GPC4: variants seen among roughly 807,000 people sequenced by gnomAD.
GPC4 encodes glypican-4.
A neutral mutation model predicts 35.0 loss-of-function variants in GPC4; 10 were observed. The observed-to-expected ratio is 0.29, with a 90% CI of 0.18 to 0.48. GPC4 has a LOEUF of 0.48. Among genes scored for constraint, GPC4 ranks in the 20% least tolerant of loss-of-function variants. The probability of loss-of-function intolerance (pLI) is 0.99; values close to 1 mark genes in which losing one functional copy is unlikely to be tolerated. For synonymous variants in GPC4, 167 were observed against 170.2 expected (o/e 0.98, Z 0.15); for missense variants, 322 against 451.3 (o/e 0.71, Z 2.60).
chrX:133,415,337 C>A lies in GPC4; in HGVS notation c.-372G>T. Reference sequence around the variant, plus strand: ...AAGGAGGGAAGGGTGGCAGGCGCCGCGGGGACCGCAGAGGGTGTGGGCGGC... The same window carrying A: ...AAGGAGGGAAGGGTGGCAGGCGCCGAGGGGACCGCAGAGGGTGTGGGCGGC... On this transcript the variant is annotated 5_prime_UTR_variant, in exon 1 of 9. Transcript: ENST00000370828. 1 of 197,365 alleles carries A rather than the reference C, an allele frequency of 5.1e-6. No individual in the cohort carries two copies. Among genetic ancestry groups the A allele is most frequent in the East Asian group, 1.4e-4 (1 of 6,942 alleles). 16.3% of individuals were successfully genotyped at this position (197,365 alleles called of 1,213,427 possible).
rs2124192404 is a variant in GPC4, at chrX:133,415,483, A to AT, written c.-519dup. ...TGTGCCCTTCTCAGCTCTGCCGCTG[A>AT]TTGACTGGCCGGCGTGCGCGGCGAC... is the stretch of plus-strand genomic sequence containing the variant. On this transcript the variant is annotated 5_prime_UTR_variant, in exon 1 of 9. Coordinates refer to ENST00000370828, the MANE Select transcript of GPC4 (RefSeq NM_001448.3). 1.0e-5 allele frequency: 1 copy of AT among 97,606 alleles called. No homozygotes were observed. The highest frequency in any genetic ancestry group is 4.0e-4 in the East Asian group (1 of 2,516). 8.0% of individuals were successfully genotyped at this position (97,606 alleles called of 1,213,427 possible).
At chrX:133,414,685 C>T (rs1311343128) in intron 1 of GPC4, 121 bp downstream of exon 1, 1 of 1,151,325 alleles carries the variant, frequency 8.7e-7, no homozygotes, top group African/African-American at 1.8e-5. Flanking sequence ...CTCGACTGCC[C>T]ATTTCTCCCT....
intron 1 of GPC4, among the ~76,000 whole-genome samples, chrX:133,384,468 C>T (rs997859682): frequency 5.4e-5 from 6 of 111,288 alleles, no homozygotes; most frequent in African/African-American, 9.8e-5. Flanking sequence ...TCTCAGTCTT[C>T]GGTTTGAAAG....
intron 2 of GPC4, among the ~76,000 whole-genome samples, chrX:133,335,463 ACACACACACG>A (rs2068438535): frequency 9.0e-6 from 1 of 111,431 alleles, no homozygotes; most frequent in Admixed American, 9.6e-5. Context: ...ACACATACAC[ACACACACACG>A]CACACACACG....
At chrX:133,405,546 G>A (rs911747020) in intron 1 of GPC4, among the ~76,000 whole-genome samples, 3 of 111,917 alleles carry the variant, frequency 2.7e-5, no homozygotes, top group Non-Finnish European at 5.6e-5. Context: ...CATTCTAGGA[G>A]ATCTCAAACT....
intron 1 of GPC4, among the ~76,000 whole-genome samples, chrX:133,390,466 T>C (rs971969737): frequency 9.0e-6 from 1 of 111,398 alleles, no homozygotes; most frequent in Admixed American, 9.6e-5. Context: ...TGACTTGGCA[T>C]AGAGTTTTGA....
chrX:133,335,548 TA>T (rs2068439066), intron 2 of GPC4, among the ~76,000 whole-genome samples: 2 of 110,907 alleles, frequency 1.8e-5, no homozygotes, highest in African/African-American at 6.6e-5. Flanking sequence ...GATAGGAAAT[TA>T]AAAGTACAGA....
At chrX:133,367,591 G>A (rs112528932) in intron 1 of GPC4, among the ~76,000 whole-genome samples, 2,218 of 112,432 alleles carry the variant, frequency 0.02, 55 homozygotes, top group African/African-American at 0.068. Flanking sequence ...ACTGAGGGCT[G>A]GGTGCGGTGG....
At chrX:133,372,324 T>C (rs2068616213) in intron 1 of GPC4, among the ~76,000 whole-genome samples, 1 of 109,404 alleles carries the variant, frequency 9.1e-6, no homozygotes, top group Non-Finnish European at 1.9e-5. Flanking sequence ...CCCAAGGATA[T>C]CTGTATATGT....
intron 3 of GPC4, among the ~76,000 whole-genome samples, chrX:133,319,839 A>T (rs2068356259): frequency 9.0e-6 from 1 of 111,373 alleles, no homozygotes; most frequent in Non-Finnish European, 1.9e-5. Context: ...TGTATCTCAA[A>T]TTTTTTAACT....
chrX:133,329,962 T>C (rs1249784994), intron 2 of GPC4, among the ~76,000 whole-genome samples: 4 of 111,853 alleles, frequency 3.6e-5, no homozygotes, highest in African/African-American at 3.2e-5. Context: ...TTGCATCAAA[T>C]AAACATTCAA....
At chrX:133,320,670 A>G (rs1369171529) in intron 3 of GPC4, among the ~76,000 whole-genome samples, 1 of 109,023 alleles carries the variant, frequency 9.2e-6, no homozygotes, top group African/African-American at 3.3e-5. Flanking sequence ...AGAATTTAAC[A>G]ATACTAAGGT....
At chrX:133,358,766 C>T (rs1382242034) in intron 1 of GPC4, among the ~76,000 whole-genome samples, 1 of 110,853 alleles carries the variant, frequency 9.0e-6, no homozygotes, top group Non-Finnish European at 1.9e-5. Context: ...AGTTTATCAC[C>T]GGATCACCTC....
intron 1 of GPC4, among the ~76,000 whole-genome samples, chrX:133,343,714 A>G (rs1344937870): frequency 9.0e-6 from 1 of 111,262 alleles, no homozygotes; most frequent in African/African-American, 3.3e-5. Context: ...AAAACAAAAC[A>G]AAAAAAATCA....
intron 1 of GPC4, among the ~76,000 whole-genome samples, chrX:133,367,184 G>T (rs1394402053): frequency 9.0e-6 from 1 of 111,709 alleles, no homozygotes; most frequent in African/African-American, 3.3e-5. Flanking sequence ...CCAATCCTTT[G>T]TTCAAAACGC....
At chrX:133,328,462 G>A (rs755678590) in intron 2 of GPC4, among the ~76,000 whole-genome samples, 5 of 111,562 alleles carry the variant, frequency 4.5e-5, no homozygotes, top group Admixed American at 9.6e-5. Flanking sequence ...CTAGCAGCTC[G>A]CATGTTCTTG....
At chrX:133,319,032 CT>C (rs2068351547) in intron 3 of GPC4, among the ~76,000 whole-genome samples, 1 of 112,281 alleles carries the variant, frequency 8.9e-6, no homozygotes, top group Non-Finnish European at 1.9e-5. Context: ...CATTGCTCAA[CT>C]TTTAACTGCA....
intron 6 of GPC4, among the ~76,000 whole-genome samples, chrX:133,305,372 C>A (rs975113059): frequency 3.6e-5 from 4 of 112,219 alleles, no homozygotes; most frequent in Non-Finnish European, 5.6e-5. Context: ...CCCATCTCAG[C>A]TTTTACTAAA....
chrX:133,382,490 A>G (rs370083065), intron 1 of GPC4, among the ~76,000 whole-genome samples: 1 of 104,212 alleles, frequency 9.6e-6, no homozygotes, highest in African/African-American at 3.5e-5. Flanking sequence ...GCACTTTGGG[A>G]GGCCAAGGCG....
Sources: gnomAD v4.1 joint callset for allele counts (sites outside exome capture counted in the v4.1 genomes callset) on GRCh38, gnomAD v4.1.1 for gene constraint, MANE v1.5 for transcripts, NCBI Gene and HGNC (gene_info 2026-07-23, HGNC 2026-07-21) for gene names.